HMCN1: variants seen among roughly 807,000 people sequenced by gnomAD.
HMCN1 encodes hemicentin 1, also known as hemicentin-1.
Under a neutral mutation model 625.9 loss-of-function variants are expected in HMCN1, and 321 were observed. That is an observed-to-expected ratio of 0.51 (90% CI 0.47 to 0.56). The LOEUF (loss-of-function observed/expected upper bound fraction) is 0.56. Among genes scored for constraint, HMCN1 ranks in the 20% least tolerant of loss-of-function variants. HMCN1 has a pLI of 0.00. For synonymous variants in HMCN1, 2,425 were observed against 2,417.6 expected (o/e 1.00, Z -0.09); for missense variants, 6,588 against 6,887.3 (o/e 0.96, Z 1.54).
At chr1:186,073,198 G>T (rs1658579932) in intron 52 of HMCN1, among the ~76,000 whole-genome samples, 1 of 152,030 alleles carries the variant, frequency 6.6e-6, no homozygotes, top group Non-Finnish European at 1.5e-5. Flanking sequence ...AAGTGAAAAA[G>T]GTACTTCAAA....
chr1:185,925,085 T>C lies in HMCN1; in HGVS notation c.1324T>C (p.Tyr442His). Residue 442 changes from tyrosine (Y) to histidine (H), a missense_variant, in exon 9 of 107, where the codon TAC becomes CAC. By Grantham distance (83) the Tyr-to-His change is moderately conservative. Transcript: ENST00000271588. Reference protein sequence around the residue: ...KVTMPEKTPGYYLQPGQIPCS... With the variant: ...KVTMPEKTPGHYLQPGQIPCS... ...TACGATGCCTGAGAAAACCCCAGGA[T>C]ACTATCTGCAGCCGGGCCAAATTCC... The C allele has an allele frequency of 9.3e-6, 15 of 1,613,974 alleles. No homozygotes were observed. The highest frequency in any genetic ancestry group is 1.3e-5 in the Non-Finnish European group (15 of 1,179,902).
chr1:185,888,532 G>A (rs1287350949), intron 4 of HMCN1, among the ~76,000 whole-genome samples: 1 of 143,726 alleles, frequency 7.0e-6, no homozygotes, highest in Non-Finnish European at 1.5e-5. Context: ...CATATGGCTA[G>A]CCAGTTTTCC....
chr1:186,130,521 A>G lies in HMCN1; in HGVS notation c.13054A>G (p.Lys4352Glu). ...FVYVKEPPVF[K>E]GDYPSNWIEP... ...TTGTTTTCCAGAACCTCCAGTCTTC[A>G]AAGGTGATTATCCTTCTAACTGGAT... The change falls in exon 85 of 107, where the codon AAA (lysine) becomes GAA (glutamate). Residue 4352 changes from lysine (K) to glutamate (E), a missense_variant. Around this residue, in one of 3 missense-constraint regions of HMCN1, gnomAD observed 1,954 missense variants for 2,013.1 expected, o/e 0.97. Transcript: ENST00000271588. The G allele has an allele frequency of 6.2e-7, 1 of 1,613,414 alleles. No homozygotes were observed. Among genetic ancestry groups the G allele is most frequent in the East Asian group, 2.2e-5 (1 of 44,864 alleles).
rs180696748 is a variant in HMCN1, at chr1:185,845,803, A to G, written c.269-223A>G. Among the ~76,000 whole-genome samples, 9 of 152,276 alleles carry G rather than the reference A, an allele frequency of 5.9e-5. No individual in the cohort carries two copies. The East Asian group carries it at 1.5e-3, about 26-fold the overall frequency. On this transcript the variant is annotated intron_variant, in intron 1 of 106. Transcript: ENST00000271588. The stretch of plus-strand genomic sequence containing the variant: ...CTGTGACTATTTTACTCCTCCTTGC[A>G]TTTCTTATGGTTAAAAATTCACTCT...
At chr1:186,050,449 T>TAAATA (rs1656876463) in intron 42 of HMCN1, among the ~76,000 whole-genome samples, 2 of 151,704 alleles carry the variant, frequency 1.3e-5, no homozygotes, top group Admixed American at 1.3e-4. Context: ...AAAGAGACTC[T>TAAATA]AGATAAGAAA....
chr1:186,167,071 A>T (rs1246379533), intron 100 of HMCN1, 129 bp downstream of exon 100: 2 of 1,174,366 alleles, frequency 1.7e-6, no homozygotes, highest in African/African-American at 3.0e-5. Flanking sequence ...GAGAATGAGG[A>T]GATATCCAGC....
chr1:185,964,244 C>T (rs1558099863), intron 13 of HMCN1, among the ~76,000 whole-genome samples: 1 of 151,978 alleles, frequency 6.6e-6, no homozygotes, highest in African/African-American at 2.4e-5. Context: ...TTTATAATTT[C>T]TACTTATATT....
chr1:186,142,543 A>C (rs1487383252), intron 89 of HMCN1, among the ~76,000 whole-genome samples: 6 of 152,190 alleles, frequency 3.9e-5, no homozygotes, highest in African/African-American at 1.4e-4. Flanking sequence ...TGCAGGGTCA[A>C]ATGGTAGTTG....
intron 19 of HMCN1, among the ~76,000 whole-genome samples, chr1:185,987,175 G>A (rs1340151789): frequency 6.8e-6 from 1 of 148,052 alleles, no homozygotes; most frequent in Non-Finnish European, 1.5e-5. Context: ...TCTTATTTTT[G>A]TTAGGAAAGT....
intron 71 of HMCN1, among the ~76,000 whole-genome samples, chr1:186,109,061 T>C (rs1386647786): frequency 2.0e-5 from 3 of 152,196 alleles, no homozygotes; most frequent in Non-Finnish European, 4.4e-5. Context: ...GAAGAACCAG[T>C]TACTGGCTGT....
At chr1:185,985,203 C>T (rs528565927) in intron 19 of HMCN1, among the ~76,000 whole-genome samples, 7 of 152,302 alleles carry the variant, frequency 4.6e-5, no homozygotes, top group South Asian at 2.1e-4. Flanking sequence ...GTATCCACCA[C>T]ATCACCTTAG....
chr1:185,775,951 A>G (rs1656574833), intron 1 of HMCN1, among the ~76,000 whole-genome samples: 1 of 152,184 alleles, frequency 6.6e-6, no homozygotes, highest in Non-Finnish European at 1.5e-5. Context: ...CTCTAATAGG[A>G]GCAGGCTGTA....
rs1364941542 is a variant in HMCN1, at chr1:185,845,992, T to C, written c.269-34T>C. The C allele has an allele frequency of 2.9e-6, 4 of 1,378,126 alleles. No individual in the cohort carries two copies. In the South Asian group the frequency reaches 4.6e-5, roughly 16 times the overall value. 85.4% of individuals were successfully genotyped at this position (1,378,126 alleles called of 1,614,324 possible). A position where few individuals can be genotyped will look rare whatever the true frequency, so the allele number is the denominator to read the frequency against. On this transcript the variant is annotated intron_variant, in intron 1 of 106. Coordinates refer to ENST00000271588, the MANE Select transcript of HMCN1 (RefSeq NM_031935.3). ...GAAAGTCTTTAATGCCATTGATTAC[T>C]GTTTATTGACCTATGTTATTTTTAT...
intron 4 of HMCN1, among the ~76,000 whole-genome samples, chr1:185,886,595 T>C (rs1014908475): frequency 2.0e-5 from 3 of 152,116 alleles, no homozygotes; most frequent in African/African-American, 2.4e-5. Context: ...CATGTAGTTT[T>C]TTTTTTTAGA....
At chr1:185,983,359 G>C (rs187394732) in intron 18 of HMCN1, among the ~76,000 whole-genome samples, 4 of 152,148 alleles carry the variant, frequency 2.6e-5, no homozygotes, top group South Asian at 4.1e-4. Context: ...CCAGGAGGCG[G>C]AGGTTGCAGT....
At chr1:185,813,219 G>GA (rs1659637725) in intron 1 of HMCN1, among the ~76,000 whole-genome samples, 1 of 152,078 alleles carries the variant, frequency 6.6e-6, no homozygotes, top group Non-Finnish European at 1.5e-5. Context: ...ATTAAAATAA[G>GA]AAAATAGCTG....
intron 11 of HMCN1, among the ~76,000 whole-genome samples, chr1:185,947,568 G>C (rs899151041): frequency 1.3e-5 from 2 of 152,182 alleles, no homozygotes; most frequent in Non-Finnish European, 2.9e-5. Context: ...GGTGGTTCTC[G>C]TATTCCCATT....
intron 89 of HMCN1, among the ~76,000 whole-genome samples, chr1:186,142,591 C>T (rs77519078): frequency 0.01 from 1,577 of 152,258 alleles, 29 homozygotes; most frequent in African/African-American, 0.036. Flanking sequence ...ATCTAGATAG[C>T]ATGATGTTTT....
chr1:186,166,240 G>T lies in HMCN1; in HGVS notation c.15376G>T (p.Gly5126Trp), dbSNP rs555609266. ...PCSHSCHNAM[G>W]TYYCSCPKGL... ...CTCCCATAGCTGCCACAATGCCATG[G>T]GGACTTACTACTGCTCCTGCCCTAA... Residue 5126 changes from glycine (G) to tryptophan (W), a missense_variant, in exon 99 of 107, where the codon GGG becomes TGG. Transcript: ENST00000271588. 6.2e-7 allele frequency: 1 copy of T among 1,614,110 alleles called. No homozygotes were observed. Among genetic ancestry groups the T allele is most frequent in the African/African-American group, 1.3e-5 (1 of 75,044 alleles).
Sources: gnomAD v4.1 joint callset for allele counts (sites outside exome capture counted in the v4.1 genomes callset) on GRCh38, gnomAD v4.1.1 for gene constraint, gnomAD v4.1.1 regional missense constraint, MANE v1.5 for transcripts, NCBI Gene and HGNC (gene_info 2026-07-23, HGNC 2026-07-21) for gene names.